Variants in SLC35F4 observed in about 807,000 individuals in gnomAD.
SLC35F4 encodes the protein solute carrier family 35 member F4, also known as chromosome 14 open reading frame 36.
Under a neutral mutation model 44.2 loss-of-function variants are expected in SLC35F4, and 24 were observed. The ratio of observed to expected loss-of-function variants is 0.54; its 90% CI spans 0.39 to 0.76. The LOEUF is 0.76. Ranked by LOEUF, SLC35F4 falls within the 30% of genes least tolerant of loss-of-function variation. SLC35F4 has a pLI of 0.00. For synonymous variants in SLC35F4, 238 were observed against 223.6 expected (o/e 1.06, Z -0.57); for missense variants, 562 against 586.1 (o/e 0.96, Z 0.42).
chr14:57,751,209 T>A (rs2076876949), intron 1 of SLC35F4, among the ~76,000 whole-genome samples: 1 of 152,198 alleles, frequency 6.6e-6, no homozygotes, highest in South Asian at 2.1e-4. Flanking sequence ...GTGACATGGT[T>A]AATAAGAAGC....
intron 1 of SLC35F4, among the ~76,000 whole-genome samples, chr14:57,621,537 T>C (rs968550339): frequency 4.6e-5 from 7 of 152,196 alleles, no homozygotes; most frequent in African/African-American, 7.2e-5. Context: ...ATCTGATCTT[T>C]GACAAACCTG....
chr14:57,932,666 T>C (rs1889720514), intron 1 of SLC35F4, among the ~76,000 whole-genome samples: 1 of 152,080 alleles, frequency 6.6e-6, no homozygotes, highest in Non-Finnish European at 1.5e-5. Context: ...CAGGCCAACA[T>C]GGTGAAATCC....
chr14:57,801,088 TG>T (rs1477497858), intron 1 of SLC35F4, among the ~76,000 whole-genome samples: 3 of 151,810 alleles, frequency 2.0e-5, no homozygotes, highest in African/African-American at 7.3e-5. Flanking sequence ...AAGGTCAAAA[TG>T]AAAGGAAAAA....
downstream of SLC35F4, among the ~76,000 whole-genome samples, chr14:57,972,726 TCTTCA>T (rs1881089727): frequency 7.9e-5 from 12 of 152,306 alleles, no homozygotes; most frequent in African/African-American, 2.6e-4. Flanking sequence ...AGCCAAATCA[TCTTCA>T]TGGCCCCAGC....
intron 3 of SLC35F4, among the ~76,000 whole-genome samples, chr14:57,582,707 G>A (rs557753949): frequency 6.6e-6 from 1 of 152,286 alleles, no homozygotes; most frequent in East Asian, 1.9e-4. Context: ...ATTTTCATGA[G>A]TAGTATATGT....
At chr14:57,827,542 A>G (rs778003112) in intron 1 of SLC35F4, among the ~76,000 whole-genome samples, 3 of 152,122 alleles carry the variant, frequency 2.0e-5, no homozygotes, top group Non-Finnish European at 4.4e-5. Flanking sequence ...AAAAAGGACT[A>G]ATTTTTCTCT....
intron 1 of SLC35F4, among the ~76,000 whole-genome samples, chr14:57,726,231 T>C (rs1404972326): frequency 6.6e-6 from 1 of 152,074 alleles, no homozygotes; most frequent in Non-Finnish European, 1.5e-5. Context: ...TGGGAAACTA[T>C]AATAGCCCAA....
intron 1 of SLC35F4, among the ~76,000 whole-genome samples, chr14:57,846,383 T>G (rs2140974018): frequency 6.6e-6 from 1 of 152,322 alleles, no homozygotes; most frequent in East Asian, 1.9e-4. Flanking sequence ...CAAGTGTGTT[T>G]GGTTAGCAGA....
intron 1 of SLC35F4, among the ~76,000 whole-genome samples, chr14:57,678,703 AAAAG>A (rs1243170721): frequency 1.3e-5 from 2 of 151,982 alleles, no homozygotes; most frequent in Admixed American, 1.3e-4. Flanking sequence ...AAGAAAAAAA[AAAAG>A]AAAGCAGGGT....
At chr14:57,955,019 T>C (rs1238939626) in intron 1 of SLC35F4, among the ~76,000 whole-genome samples, 1 of 148,838 alleles carries the variant, frequency 6.7e-6, no homozygotes, top group Non-Finnish European at 1.5e-5. Flanking sequence ...ATATCCCTGA[T>C]GAACAGCAAC....
At chr14:57,852,780 A>G (rs1886699059) in intron 1 of SLC35F4, among the ~76,000 whole-genome samples, 1 of 152,126 alleles carries the variant, frequency 6.6e-6, no homozygotes, top group Non-Finnish European at 1.5e-5. Context: ...CATGGGCTTC[A>G]ACAAAAACAC....
intron 1 of SLC35F4, among the ~76,000 whole-genome samples, chr14:57,719,750 T>C (rs1174952338): frequency 1.3e-5 from 2 of 152,196 alleles, no homozygotes; most frequent in Non-Finnish European, 2.9e-5. Context: ...GATGGTAGCA[T>C]CTGCAAACAA....
intron 4 of SLC35F4, among the ~76,000 whole-genome samples, chr14:57,580,126 A>G (rs7494401): frequency 6.6e-6 from 1 of 152,204 alleles, no homozygotes; most frequent in African/African-American, 2.4e-5. Flanking sequence ...TCTTCTATCA[A>G]AACTTTCTAC....
At chr14:57,873,582 C>G (rs772855956) in intron 1 of SLC35F4, among the ~76,000 whole-genome samples, 2 of 151,996 alleles carry the variant, frequency 1.3e-5, no homozygotes, top group African/African-American at 2.4e-5. Flanking sequence ...AGATTGTATA[C>G]GGATGTCTAC....
At chr14:57,803,582 CTTTTTTTTTTTTTTTT>C (rs532690276) in intron 1 of SLC35F4, among the ~76,000 whole-genome samples, 1 of 79,458 alleles carries the variant, frequency 1.3e-5, no homozygotes, top group Non-Finnish European at 2.3e-5. Flanking sequence ...AAAGCTTCTT[CTTTTTTTTTTTTTTTT>C]TTTTTTTTGA....
chr14:57,610,135 C>T lies in SLC35F4; in HGVS notation c.104-16011G>A, dbSNP rs920291580. 3.3e-5 allele frequency among the ~76,000 whole-genome samples: 5 copies of T among 152,120 alleles called. No homozygotes were observed. In the South Asian group the frequency reaches 1.0e-3, roughly 31 times the overall value. On this transcript the variant is annotated intron_variant, in intron 1 of 7. Transcript: ENST00000556826. ...GGATTTATTGAGGAGTCTCTATGTTCCAGACATTGAACTAGACCTTATGGA... is the reference window on the plus strand; with the variant it reads ...GGATTTATTGAGGAGTCTCTATGTTTCAGACATTGAACTAGACCTTATGGA...
chr14:57,839,294 T>C (rs1885256188), intron 1 of SLC35F4, among the ~76,000 whole-genome samples: 2 of 152,224 alleles, frequency 1.3e-5, no homozygotes, highest in South Asian at 2.1e-4. Context: ...GGTTGCTCTT[T>C]ATGTAATATT....
At chr14:57,601,099 T>TGTTTA (rs1034153600) in intron 1 of SLC35F4, among the ~76,000 whole-genome samples, 9 of 152,148 alleles carry the variant, frequency 5.9e-5, no homozygotes, top group African/African-American at 1.9e-4. Flanking sequence ...ATTTAATAAA[T>TGTTTA]AAATATGTTT....
At chr14:57,758,000 CATGTGTGTGTGTGT>C (rs1328218393) in intron 1 of SLC35F4, among the ~76,000 whole-genome samples, 5 of 95,950 alleles carry the variant, frequency 5.2e-5, no homozygotes, top group African/African-American at 1.9e-4. Flanking sequence ...ATTATAGGTT[CATGTGTGTGTGTGT>C]GTGTGTGTGT....
Sources: allele counts gnomAD v4.1 joint callset (sites outside exome capture counted in the v4.1 genomes callset), GRCh38; gene constraint gnomAD v4.1.1; transcripts MANE v1.5; gene names NCBI Gene and HGNC (gene_info 2026-07-23, HGNC 2026-07-21).